The following QKI variants were observed in gnomAD, a reference collection of about 807,000 sequenced individuals.
QKI encodes the protein QKI, KH domain containing RNA binding.
In QKI, 10 loss-of-function variants were observed where a neutral mutation model predicts 39.0. The ratio of observed to expected loss-of-function variants is 0.26; its 90% CI spans 0.16 to 0.43. The LOEUF (loss-of-function observed/expected upper bound fraction) is 0.43, where lower values mean the gene tolerates loss of function less well. Ranked by LOEUF, QKI falls within the 20% of genes least tolerant of loss-of-function variation. The pLI is 1.00. For missense variants in QKI, 218 were observed against 428.0 expected, an observed-to-expected ratio of 0.51 and a Z score of 4.33; for synonymous variants, 204 against 155.4, an observed-to-expected ratio of 1.31 and a Z score of -2.33.
In QKI at chr6:163,455,517, CT is replaced by C. The variant is rs1226194869; in HGVS notation, c.285+99del. The C allele has an allele frequency of 1.2e-5, 15 of 1,250,076 alleles. No individual in the cohort carries two copies. The Admixed American group carries it at 1.7e-4, about 14-fold the overall frequency. 77.4% of individuals were successfully genotyped at this position (1,250,076 alleles called of 1,614,324 possible). A position where few individuals can be genotyped will look rare whatever the true frequency, so the allele number is the denominator to read the frequency against. On this transcript the variant is annotated intron_variant, in intron 2 of 7. Coordinates refer to ENST00000361752, the MANE Select transcript of QKI (RefSeq NM_006775.3). Reference sequence around the variant, plus strand: ...GTAAATACTTAAGCATTATTAGCCACTTTAAAAAAATGCAGTCATCAACTGA... The same window carrying C: ...GTAAATACTTAAGCATTATTAGCCACTTAAAAAAATGCAGTCATCAACTGA...
At chr6:163,522,423 T>A (rs1780220055) in intron 3 of QKI, among the ~76,000 whole-genome samples, 1 of 152,192 alleles carries the variant, frequency 6.6e-6, no homozygotes, top group African/African-American at 2.4e-5. Context: ...GAAATAAGAC[T>A]GGCATTTGAG....
chr6:163,548,511 A>G (rs1298079043), intron 4 of QKI, among the ~76,000 whole-genome samples: 1 of 152,226 alleles, frequency 6.6e-6, no homozygotes. Flanking sequence ...AGCCTACCCA[A>G]AACTATTAAA....
rs74299417 is a variant in QKI at position 163,437,284 on chromosome 6, A to G, written c.143-17995A>G. 3.0e-3 allele frequency among the ~76,000 whole-genome samples: 463 copies of G among 152,368 alleles called. 23 individuals are homozygous for G. In the East Asian group the frequency reaches 0.077, roughly 25 times the overall value. ...TAAGCTATATATGTATATAATTTAA[A>G]TGATACAAGTGATGTATGTATACAT... is the stretch of plus-strand genomic sequence containing the variant. On this transcript the variant is annotated intron_variant, in intron 1 of 7. Coordinates refer to ENST00000361752, the MANE Select transcript of QKI (RefSeq NM_006775.3).
Position 163,573,971 on chromosome 6 carries a change from CT to C in QKI, c.*3262del, listed in dbSNP as rs1474920677. On this transcript the variant is annotated 3_prime_UTR_variant, in exon 8 of 8. Transcript: ENST00000361752. ...TGTCAGCTGACAGTTTTGCACACTA[CT>C]GTTAAAATGGCTTTGGTTATTCTGG... 1 of 151,430 alleles carries C rather than the reference CT, an allele frequency of 6.6e-6. No homozygotes were observed. The highest frequency in any genetic ancestry group is 1.5e-5 in the Non-Finnish European group (1 of 67,988). 9.4% of individuals were successfully genotyped at this position (151,430 alleles called of 1,614,324 possible). A position where few individuals can be genotyped will look rare whatever the true frequency, so the allele number is the denominator to read the frequency against.
At chr6:163,474,577 G>T (rs1003359887) in intron 2 of QKI, among the ~76,000 whole-genome samples, 1 of 151,896 alleles carries the variant, frequency 6.6e-6, no homozygotes, top group Non-Finnish European at 1.5e-5. Context: ...TTGTAGGAAT[G>T]AATCTTAACA....
At chr6:163,453,852 T>C (rs1790746707) in intron 1 of QKI, among the ~76,000 whole-genome samples, 1 of 152,184 alleles carries the variant, frequency 6.6e-6, no homozygotes, top group African/African-American at 2.4e-5. Context: ...GCAGAAAATG[T>C]ATTACAGTGC....
intron 7 of QKI, chr6:163,567,331 AAGTG>A: frequency 1.0e-6 from 1 of 985,650 alleles, no homozygotes; most frequent in Non-Finnish European, 1.2e-6. Context: ...AAAATCAACA[AAGTG>A]AGGACTGTGA....
chr6:163,571,136 G>C lies in QKI; in HGVS notation c.*426G>C, dbSNP rs1370778907. On this transcript the variant is annotated 3_prime_UTR_variant, in exon 8 of 8. Transcript: ENST00000361752. Reference sequence around the variant, plus strand: ...TTTTTCTTCTCATAGCGAAGTCAAAGCTCTCTCTGAATGTACTGTGTGATG... The same window carrying C: ...TTTTTCTTCTCATAGCGAAGTCAAACCTCTCTCTGAATGTACTGTGTGATG... 2 of 154,988 alleles carry C rather than the reference G, an allele frequency of 1.3e-5. No homozygotes were observed. The highest frequency in any genetic ancestry group is 4.8e-5 in the African/African-American group (2 of 41,558). The allele number at this position is 154,988 out of a possible 1,614,324, so 9.6% of individuals were successfully genotyped here.
At chr6:163,520,206 T>G (rs2128237393) in intron 3 of QKI, among the ~76,000 whole-genome samples, 1 of 152,294 alleles carries the variant, frequency 6.6e-6, no homozygotes, top group Non-Finnish European at 1.5e-5. Flanking sequence ...TCTCTGAACT[T>G]CTATTTTGTA....
chr6:163,495,525 A>G (rs926078500), intron 3 of QKI, among the ~76,000 whole-genome samples: 2 of 152,200 alleles, frequency 1.3e-5, no homozygotes, highest in African/African-American at 4.8e-5. Context: ...ATAACCAAGG[A>G]CATTCTTTTA....
intron 1 of QKI, among the ~76,000 whole-genome samples, chr6:163,449,069 G>A (rs1190870333): frequency 6.6e-6 from 1 of 152,032 alleles, no homozygotes; most frequent in Non-Finnish European, 1.5e-5. Context: ...ATAAAAACGA[G>A]TAATTTGTTA....
At chr6:163,556,190 T>C (rs1481612689) in intron 4 of QKI, among the ~76,000 whole-genome samples, 2 of 152,152 alleles carry the variant, frequency 1.3e-5, no homozygotes, top group African/African-American at 4.8e-5. Context: ...ACGTGACCTG[T>C]TTGTATCCTT....
intron 6 of QKI, chr6:163,563,974 C>A: frequency 7.5e-7 from 1 of 1,327,860 alleles, no homozygotes; most frequent in Non-Finnish European, 9.6e-7. Flanking sequence ...TACATTTCAA[C>A]AAATACTTTT....
At chr6:163,547,689 A>G (rs933699265) in intron 4 of QKI, among the ~76,000 whole-genome samples, 2 of 151,796 alleles carry the variant, frequency 1.3e-5, no homozygotes, top group African/African-American at 4.8e-5. Flanking sequence ...CCTTCCTTCC[A>G]CCTTTTTCTC....
At chr6:163,562,154 A>T in intron 5 of QKI, 85 bp downstream of exon 5, 1 of 882,110 alleles carries the variant, frequency 1.1e-6, no homozygotes, top group Non-Finnish European at 1.7e-6. Context: ...ACACAATAAT[A>T]GTTCATACAA....
At chr6:163,456,089 A>C (rs192150654) in intron 2 of QKI, among the ~76,000 whole-genome samples, 79 of 152,234 alleles carry the variant, frequency 5.2e-4, no homozygotes, top group African/African-American at 4.6e-4. Flanking sequence ...AGTCAAGTCT[A>C]TTCCCAGTCT....
chr6:163,439,242 A>G (rs539317920), intron 1 of QKI, among the ~76,000 whole-genome samples: 3 of 152,078 alleles, frequency 2.0e-5, no homozygotes, highest in Non-Finnish European at 4.4e-5. Flanking sequence ...CATGTATTAC[A>G]TGACAGACAC....
At chr6:163,531,758 G>GC (rs960845618) in intron 3 of QKI, among the ~76,000 whole-genome samples, 13 of 152,136 alleles carry the variant, frequency 8.5e-5, no homozygotes, top group East Asian at 5.8e-4. Flanking sequence ...TCCTGCCTCG[G>GC]CCCCCCCAAA....
chr6:163,422,394 A>G (rs1270154066), intron 1 of QKI, among the ~76,000 whole-genome samples: 3 of 152,208 alleles, frequency 2.0e-5, no homozygotes, highest in Non-Finnish European at 4.4e-5. Context: ...AGAATGTGTC[A>G]TATTCTGCTT....
Sources: allele counts gnomAD v4.1 joint callset (sites outside exome capture counted in the v4.1 genomes callset), GRCh38; gene constraint gnomAD v4.1.1; transcripts MANE v1.5; gene names NCBI Gene and HGNC (gene_info 2026-07-23, HGNC 2026-07-21).